The following TTC7B variants were observed in gnomAD, a reference collection of about 807,000 sequenced individuals.
TTC7B encodes tetratricopeptide repeat protein 7B.
In TTC7B, 28 loss-of-function variants were observed where a neutral mutation model predicts 106.8. The observed-to-expected ratio is 0.26, with a 90% CI of 0.19 to 0.36. The LOEUF is 0.36. Ranked by LOEUF, TTC7B falls within the 10% of genes least tolerant of loss-of-function variation. TTC7B has a pLI of 1.00. For synonymous variants in TTC7B, 405 were observed against 430.6 expected, an observed-to-expected ratio of 0.94 and a Z score of 0.74; for missense variants, 862 against 1,076.4, an observed-to-expected ratio of 0.80 and a Z score of 2.79.
In TTC7B at chr14:90,624,079, C is replaced by T. The variant is rs192433775; in HGVS notation, c.1752-6034G>A. Among the ~76,000 whole-genome samples the T allele has an allele frequency of 7.2e-5, 11 of 152,166 alleles. No homozygotes were observed. Among genetic ancestry groups the T allele is most frequent in the East Asian group, 5.8e-4 (3 of 5,146 alleles). On this transcript the variant is annotated intron_variant, in intron 15 of 19. Coordinates refer to ENST00000328459, the MANE Select transcript of TTC7B (RefSeq NM_001010854.2). This position sits in a 1 kb window ranked among gnomAD's most constrained non-coding sequence, Gnocchi z 4.0. ...CCATGAGTGTGCCTGTATGCATATG[C>T]GTGTGCGTGTATATGTGTGCATGTG...
intron 19 of TTC7B, among the ~76,000 whole-genome samples, chr14:90,562,735 T>C (rs1257025105): frequency 1.3e-5 from 2 of 152,202 alleles, no homozygotes; most frequent in Non-Finnish European, 2.9e-5. Context: ...CATGTAACCA[T>C]ATCCCACCTA....
At chr14:90,616,235 A>G (rs978920887) in intron 16 of TTC7B, among the ~76,000 whole-genome samples, 10 of 152,200 alleles carry the variant, frequency 6.6e-5, no homozygotes, top group African/African-American at 2.2e-4. Context: ...ATCTCCTGCT[A>G]GCTGGTTCGG....
intron 1 of TTC7B, among the ~76,000 whole-genome samples, chr14:90,804,490 T>G (rs747713492): frequency 6.6e-6 from 1 of 152,166 alleles, no homozygotes; most frequent in Non-Finnish European, 1.5e-5. Context: ...GGGCCGGGCC[T>G]GAGGGACTTC....
intron 5 of TTC7B, among the ~76,000 whole-genome samples, chr14:90,711,006 C>G (rs903788958): frequency 2.0e-5 from 3 of 152,108 alleles, no homozygotes; most frequent in Non-Finnish European, 4.4e-5. Context: ...GTAAAACTAT[C>G]CTTCAAAAAT....
chr14:90,658,349 G>A lies in TTC7B; in HGVS notation c.1191C>T (p.Phe397=), dbSNP rs1886039479. The change falls in exon 10 of 20, where the codon TTC becomes TTT. Residue 397 remains phenylalanine, a synonymous_variant. Coordinates refer to ENST00000328459, the MANE Select transcript of TTC7B (RefSeq NM_001010854.2). The part of the protein sequence containing the change: ...ERAMKFAFEE[F]HLWYQFALSL... Reference sequence around the variant, plus strand: ...ACAGAGCAAACTGGTACCACAGGTGGAATTCCTCAAAGGCAAACTTCATGG... The same window carrying A: ...ACAGAGCAAACTGGTACCACAGGTGAAATTCCTCAAAGGCAAACTTCATGG... 6.2e-7 allele frequency: 1 copy of A among 1,613,968 alleles called. No individual in the cohort carries two copies. The highest frequency in any genetic ancestry group is 1.7e-5 in the Admixed American group (1 of 59,994).
At chr14:90,594,516 A>G (rs1892122229) in intron 17 of TTC7B, among the ~76,000 whole-genome samples, 1 of 152,150 alleles carries the variant, frequency 6.6e-6, no homozygotes, top group Non-Finnish European at 1.5e-5. Flanking sequence ...TAGAATCAAG[A>G]GCAGGATTCT....
chr14:90,595,379 CTAAT>C (rs1225739297), intron 17 of TTC7B, among the ~76,000 whole-genome samples: 2 of 151,964 alleles, frequency 1.3e-5, no homozygotes, highest in Non-Finnish European at 2.9e-5. Flanking sequence ...AAAAAAGAGT[CTAAT>C]TGATGGTATA....
intron 13 of TTC7B, among the ~76,000 whole-genome samples, chr14:90,651,751 G>A (rs1297562039): frequency 2.0e-5 from 3 of 152,160 alleles, no homozygotes; most frequent in South Asian, 2.1e-4. Context: ...AGTAGCTACC[G>A]GCAAGCCTGC....
rs561277572 is a variant in TTC7B, at chr14:90,791,572, G to A, written c.122-5244C>T. 2.3e-3 allele frequency among the ~76,000 whole-genome samples: 356 copies of A among 152,218 alleles called. 2 individuals are homozygous for A. Among genetic ancestry groups the A allele is most frequent in the Non-Finnish European group, 4.1e-3 (282 of 68,010 alleles). ...TACACATCCCAGGCTCCCTGATGGC[G>A]ACATGCTGCCCCGTGACTACGTTAT... is the stretch of plus-strand genomic sequence containing the variant. On this transcript the variant is annotated intron_variant, in intron 1 of 19. Coordinates refer to ENST00000328459, the MANE Select transcript of TTC7B (RefSeq NM_001010854.2).
At chr14:90,650,656 G>A (rs1241887558) in intron 13 of TTC7B, among the ~76,000 whole-genome samples, 1 of 152,194 alleles carries the variant, frequency 6.6e-6, no homozygotes. Flanking sequence ...GCATACTGTG[G>A]GCCATGCAAT....
intron 1 of TTC7B, among the ~76,000 whole-genome samples, chr14:90,787,475 G>A (rs1032858380): frequency 6.6e-6 from 1 of 152,194 alleles, no homozygotes; most frequent in Non-Finnish European, 1.5e-5. Flanking sequence ...AGTTACAGCT[G>A]GGGTGCTGGG....
intron 12 of TTC7B, among the ~76,000 whole-genome samples, chr14:90,654,235 C>T (rs1885852367): frequency 6.6e-6 from 1 of 152,090 alleles, no homozygotes. Context: ...AGCTCCTCAG[C>T]AGGGTAATGA....
intron 4 of TTC7B, among the ~76,000 whole-genome samples, chr14:90,744,028 G>C (rs1216437449): frequency 6.6e-6 from 1 of 152,202 alleles, no homozygotes; most frequent in Non-Finnish European, 1.5e-5. Context: ...GACCATCCCT[G>C]ATGGTCTCCG....
intron 17 of TTC7B, among the ~76,000 whole-genome samples, chr14:90,604,350 T>G (rs183520167): frequency 3.2e-4 from 49 of 152,330 alleles, no homozygotes; most frequent in African/African-American, 9.9e-4. Context: ...ACATACACGG[T>G]GTTTAAACAG....
intron 16 of TTC7B, among the ~76,000 whole-genome samples, chr14:90,617,320 A>G (rs1002155521): frequency 6.6e-6 from 1 of 152,186 alleles, no homozygotes; most frequent in South Asian, 2.1e-4. Flanking sequence ...CTACTTGCAA[A>G]TCATTTCAGC....
chr14:90,644,060 G>C lies in TTC7B; in HGVS notation c.1739C>G (p.Pro580Arg), dbSNP rs142276164. ...NIIDMALSEY[P>R]ENFILLFSKV... The stretch of plus-strand genomic sequence containing the variant: ...CAGGATCACTTACATGAAATTTTCT[G>C]GGTATTCACTCAGGGCCATGTCGAT... The change falls in exon 15 of 20, where the codon CCA becomes CGA. Residue 580 changes from proline to arginine, a missense_variant. By Grantham distance (103) the Pro-to-Arg change is moderately radical. Coordinates refer to ENST00000328459, the MANE Select transcript of TTC7B (RefSeq NM_001010854.2). The C allele has an allele frequency of 6.2e-7, 1 of 1,613,936 alleles. No homozygotes were observed. Among genetic ancestry groups the C allele is most frequent in the African/African-American group, 1.3e-5 (1 of 74,864 alleles).
chr14:90,627,171 T>G (rs529151474), intron 15 of TTC7B, among the ~76,000 whole-genome samples: 4 of 152,096 alleles, frequency 2.6e-5, no homozygotes, highest in Admixed American at 1.3e-4. Context: ...TTTTAGTAGA[T>G]ATGGGGGTCT....
chr14:90,752,719 T>C (rs1019868962), intron 3 of TTC7B, among the ~76,000 whole-genome samples: 1 of 152,238 alleles, frequency 6.6e-6, no homozygotes, highest in African/African-American at 2.4e-5. Flanking sequence ...CACCACCTTA[T>C]AGATAAGACT....
At chr14:90,747,510 G>A (rs867071829) in intron 3 of TTC7B, among the ~76,000 whole-genome samples, 10 of 152,160 alleles carry the variant, frequency 6.6e-5, no homozygotes, top group African/African-American at 1.2e-4. Context: ...GAACACACCC[G>A]AAGTCTCCTA....
Sources: gnomAD v4.1 joint callset for allele counts (sites outside exome capture counted in the v4.1 genomes callset) on GRCh38, gnomAD v4.1.1 for gene constraint, Gnocchi (gnomAD v3.1) non-coding constraint, MANE v1.5 for transcripts, NCBI Gene and HGNC (gene_info 2026-07-23, HGNC 2026-07-21) for gene names.